The following EZH1 variants were observed in gnomAD, a reference collection of about 807,000 sequenced individuals.
The protein encoded by EZH1 is enhancer of zeste 1 polycomb repressive complex 2 subunit.
EZH1 carries 33 observed loss-of-function variants against 100.5 expected under a neutral mutation model. The observed-to-expected ratio is 0.33, with a 90% CI of 0.25 to 0.44. The LOEUF (loss-of-function observed/expected upper bound fraction) is 0.44, where lower values mean the gene tolerates loss of function less well. Among genes scored for constraint, EZH1 ranks in the 20% least tolerant of loss-of-function variants. The pLI, the probability that EZH1 is intolerant of heterozygous loss-of-function variation, is 1.00. For synonymous variants in EZH1, 272 were observed against 313.8 expected, an observed-to-expected ratio of 0.87 and a Z score of 1.41; for missense variants, 475 against 928.4, an observed-to-expected ratio of 0.51 and a Z score of 6.35.
At chr17:42,712,205 C>T in intron 12 of EZH1, 84 bp downstream of exon 12, 4 of 1,422,440 alleles carry the variant, frequency 2.8e-6, no homozygotes, top group Admixed American at 4.1e-5. Context: ...GACCCAGACA[C>T]ACAGCCTGGT....
intron 1 of EZH1, 97 bp downstream of exon 1, chr17:42,744,914 T>C: frequency 2.5e-6 from 3 of 1,203,420 alleles, no homozygotes; most frequent in Non-Finnish European, 3.2e-6. Flanking sequence ...TTCCTTCCAA[T>C]TTCCTGATCC....
Position 42,706,283 on chromosome 17 carries a change from T to C in EZH1, c.1661-98A>G. On this transcript the variant is annotated intron_variant, in intron 15 of 20. Transcript: ENST00000428826. This position sits in a 1 kb window ranked among gnomAD's most constrained non-coding sequence, Gnocchi z 4.4. ...CAGCAAAGAAGTAAATTTTTTGTGT[T>C]CAAGGATGTTTGGCAAAATAAGAGG... The C allele has an allele frequency of 8.5e-7, 1 of 1,176,814 alleles. No individual in the cohort carries two copies. Among genetic ancestry groups the C allele is most frequent in the Non-Finnish European group, 1.1e-6 (1 of 876,466 alleles). 72.9% of individuals were successfully genotyped at this position (1,176,814 alleles called of 1,614,324 possible).
In EZH1 at chr17:42,725,491, C is replaced by T. The variant is rs766336789; in HGVS notation, c.247-1067G>A. 4.6e-5 allele frequency among the ~76,000 whole-genome samples: 7 copies of T among 151,534 alleles called. No individual in the cohort carries two copies. In the South Asian group the frequency reaches 8.4e-4, roughly 18 times the overall value. On this transcript the variant is annotated intron_variant, in intron 4 of 20. Coordinates refer to ENST00000428826, the MANE Select transcript of EZH1 (RefSeq NM_001991.5). ...AGACAGGGTCTCGCTATATTGCCCA[C>T]GCTGGTCTCCAACTCCTGGACTCAA...
At chr17:42,735,553 G>C (rs2054049189) in intron 1 of EZH1, among the ~76,000 whole-genome samples, 1 of 152,108 alleles carries the variant, frequency 6.6e-6, no homozygotes, top group African/African-American at 2.4e-5. Context: ...TAGGTACTTA[G>C]CTAGTACTTA....
chr17:42,708,519 G>T (rs1046370485), intron 14 of EZH1, among the ~76,000 whole-genome samples: 1 of 152,162 alleles, frequency 6.6e-6, no homozygotes, highest in Non-Finnish European at 1.5e-5. Context: ...GCCAGGCATG[G>T]TGGTACATGC....
chr17:42,729,038 A>G, intron 2 of EZH1, 86 bp from the exon 3 acceptor site: 1 of 1,310,280 alleles, frequency 7.6e-7, no homozygotes, highest in South Asian at 1.4e-5. Flanking sequence ...AAGATCAATT[A>G]TGCTTTCATT....
intron 19 of EZH1, 186 bp downstream of exon 19, chr17:42,703,554 T>C (rs1188386158): frequency 1.7e-6 from 1 of 596,464 alleles, no homozygotes; most frequent in Non-Finnish European, 3.0e-6. Context: ...GTGTTTATAA[T>C]GTATTCGCTG....
intron 1 of EZH1, among the ~76,000 whole-genome samples, chr17:42,740,865 A>G (rs1386510999): frequency 1.3e-5 from 2 of 152,236 alleles, no homozygotes; most frequent in Non-Finnish European, 2.9e-5. Flanking sequence ...CTGAATTCCA[A>G]CTACCCATTA....
chr17:42,743,134 G>T (rs2054208192), intron 1 of EZH1, among the ~76,000 whole-genome samples: 1 of 150,496 alleles, frequency 6.6e-6, no homozygotes, highest in African/African-American at 2.5e-5. Flanking sequence ...CTCCCAAAGT[G>T]CTGGGATTAC....
chr17:42,712,902 G>C (rs1332615372), intron 11 of EZH1, among the ~76,000 whole-genome samples: 1 of 152,018 alleles, frequency 6.6e-6, no homozygotes, highest in Admixed American at 6.6e-5. Flanking sequence ...GCCGGGCGTG[G>C]TGGCAGGCAC....
Position 42,703,896 on chromosome 17 carries a change from G to C in EZH1, c.2018-76C>G, listed in dbSNP as rs34500297. 2,850 of 1,052,956 alleles carry C rather than the reference G, an allele frequency of 2.7e-3. 49 individuals carry two copies. In the African/African-American group the frequency reaches 0.039, roughly 14 times the overall value. The allele number at this position is 1,052,956 out of a possible 1,614,324, so 65.2% of individuals were successfully genotyped here. On this transcript the variant is annotated intron_variant, in intron 18 of 20. Coordinates refer to ENST00000428826, the MANE Select transcript of EZH1 (RefSeq NM_001991.5). ...GCTTCTCAGCTTGAATTTAAAATCA[G>C]TTAAATGGTAACAGAAACACTTTAG... is the stretch of plus-strand genomic sequence containing the variant.
chr17:42,742,246 G>A (rs1391659539), intron 1 of EZH1, among the ~76,000 whole-genome samples: 1 of 151,324 alleles, frequency 6.6e-6, no homozygotes, highest in South Asian at 2.1e-4. Flanking sequence ...AAGTTCAAGC[G>A]ATTCTCCCAC....
chr17:42,724,516 G>A, intron 4 of EZH1, 92 bp from the exon 5 acceptor site: 1 of 1,479,324 alleles, frequency 6.8e-7, no homozygotes, highest in Non-Finnish European at 9.2e-7. Flanking sequence ...TGGGCATAGT[G>A]GCTCATGCCA....
Position 42,718,752 on chromosome 17 carries a change from G to C in EZH1, c.768-135C>G, listed in dbSNP as rs1267210304. ...TGTTTTTTATAGGTCTGGTTGATAAGAGAATGGTAGATAACTAGAGTGGGT... is the reference window on the plus strand; with the variant it reads ...TGTTTTTTATAGGTCTGGTTGATAACAGAATGGTAGATAACTAGAGTGGGT... On this transcript the variant is annotated intron_variant, in intron 8 of 20. Coordinates refer to ENST00000428826, the MANE Select transcript of EZH1 (RefSeq NM_001991.5). The surrounding 1 kb of genome is among the most constrained non-coding windows in gnomAD (Gnocchi z 4.2). 1 of 822,172 alleles carries C rather than the reference G, an allele frequency of 1.2e-6. No homozygotes were observed. The highest frequency in any genetic ancestry group is 1.7e-5 in the African/African-American group (1 of 58,272). The allele number at this position is 822,172 out of a possible 1,614,324, so 50.9% of individuals were successfully genotyped here. A position where few individuals can be genotyped will look rare whatever the true frequency, so the allele number is the denominator to read the frequency against.
At chr17:42,729,574 CAAA>C (rs71157667) in intron 2 of EZH1, among the ~76,000 whole-genome samples, 1 of 137,982 alleles carries the variant, frequency 7.2e-6, no homozygotes, top group African/African-American at 2.6e-5. Context: ...ACTAAAAATA[CAAA>C]AAAAAAAAAA....
chr17:42,719,210 G>C lies in EZH1; in HGVS notation c.665-3C>G, dbSNP rs2053660166. 6.2e-7 allele frequency: 1 copy of C among 1,610,712 alleles called. No homozygotes were observed. Among genetic ancestry groups the C allele is most frequent in the Admixed American group, 1.7e-5 (1 of 59,936 alleles). The stretch of plus-strand genomic sequence containing the variant: ...TTTCTTGGAACTCTTTTTGTTGCCT[G>C]AATTGGAAATGATAAAAAGCTCCTG... On this transcript the variant is annotated splice_polypyrimidine_tract_variant and splice_region_variant and intron_variant, in intron 7 of 20. Transcript: ENST00000428826.
rs530106460 is a variant in EZH1, at chr17:42,712,179, A to G, written c.1401+110T>C. 3.3e-6 allele frequency: 4 copies of G among 1,210,242 alleles called. No homozygotes were observed. In the South Asian group the frequency reaches 5.9e-5, roughly 18 times the overall value. 75.0% of individuals were successfully genotyped at this position (1,210,242 alleles called of 1,614,324 possible). On this transcript the variant is annotated intron_variant, in intron 12 of 20. Coordinates refer to ENST00000428826, the MANE Select transcript of EZH1 (RefSeq NM_001991.5). ...ACAGGCTCATCAGGGACTGAACTTA[A>G]GACAACTTCTCTCCAGACCCAGACA...
At chr17:42,744,865 C>T in intron 1 of EZH1, 146 bp downstream of exon 1, 2 of 859,418 alleles carry the variant, frequency 2.3e-6, no homozygotes, top group Non-Finnish European at 3.1e-6. Flanking sequence ...AGGAGGGGCG[C>T]CTGCTACCCC....
At chr17:42,724,653 G>T (rs1269220665) in intron 4 of EZH1, 1 of 383,276 alleles carries the variant, frequency 2.6e-6, no homozygotes, top group Non-Finnish European at 5.0e-6. Context: ...GAGCATGGTG[G>T]TACACACATG....
Sources: allele counts gnomAD v4.1 joint callset (sites outside exome capture counted in the v4.1 genomes callset), GRCh38; gene constraint gnomAD v4.1.1; non-coding constraint Gnocchi (gnomAD v3.1); transcripts MANE v1.5; gene names NCBI Gene and HGNC (gene_info 2026-07-23, HGNC 2026-07-21).